THNSL2: variants seen among roughly 807,000 people sequenced by gnomAD.
THNSL2 encodes the protein threonine synthase like 2, also known as threonine synthase-like 2.
THNSL2 carries 34 observed loss-of-function variants against 40.0 expected under a neutral mutation model. The ratio of observed to expected loss-of-function variants is 0.85; its 90% CI spans 0.65 to 1.13. The LOEUF (loss-of-function observed/expected upper bound fraction) is 1.13, where lower values mean the gene tolerates loss of function less well. Ranked by LOEUF, THNSL2 falls within the 50% of genes most tolerant of loss-of-function variation. The pLI, the probability that THNSL2 is intolerant of heterozygous loss-of-function variation, is 0.00. For synonymous variants in THNSL2, 241 were observed against 247.5 expected (o/e 0.97, Z 0.25); for missense variants, 537 against 608.8 (o/e 0.88, Z 1.24).
intron 4 of THNSL2, chr2:88,176,642 G>A (rs1267156689): frequency 2.0e-5 from 3 of 152,246 alleles, no homozygotes; most frequent in Middle Eastern, 3.2e-3. Context: ...AGGAGCAAAA[G>A]CACAGTGAAA....
intron 5 of THNSL2, among the ~76,000 whole-genome samples, chr2:88,181,102 C>CTT (rs1553463333): frequency 2.5e-3 from 3 of 1,190 alleles, no homozygotes; most frequent in South Asian, 0.031. Flanking sequence ...TCTCCTCTCT[C>CTT]CTCTCTCTCC....
intron 5 of THNSL2, 78 bp downstream of exon 5, chr2:88,179,091 G>T: frequency 7.1e-7 from 1 of 1,415,182 alleles, no homozygotes; most frequent in South Asian, 1.2e-5. Context: ...CCCTTTGGCT[G>T]CAACTGTGAG....
At chr2:88,171,102 C>T (rs1402749635) in intron 1 of THNSL2, 1 of 344,944 alleles carries the variant, frequency 2.9e-6, no homozygotes, top group Non-Finnish European at 5.9e-6. Flanking sequence ...CCATCCCATG[C>T]TTGGAGCCCT....
intron 1 of THNSL2, among the ~76,000 whole-genome samples, chr2:88,171,061 T>TA (rs1484603269): frequency 6.6e-6 from 1 of 152,152 alleles, no homozygotes; most frequent in East Asian, 1.9e-4. Context: ...TATTAGAATA[T>TA]AAAATCCCAG....
intron 4 of THNSL2, chr2:88,177,097 A>G (rs1136562): frequency 0.22 from 34,139 of 152,162 alleles, 3,999 homozygotes; most frequent in African/African-American, 0.27. Context: ...AAGTAATGGC[A>G]GAAATGTGGA....
At chr2:88,178,403 A>G (rs189227602) in intron 4 of THNSL2, among the ~76,000 whole-genome samples, 76 of 152,342 alleles carry the variant, frequency 5.0e-4, no homozygotes, top group South Asian at 1.7e-3. Flanking sequence ...TCAGGCACAC[A>G]GTTTCTCCTC....
chr2:88,173,243 G>A lies in THNSL2; in HGVS notation c.93G>A (p.Met31Ile). 1 of 1,612,090 alleles carries A rather than the reference G, an allele frequency of 6.2e-7. No individual in the cohort carries two copies. Among genetic ancestry groups the A allele is most frequent in the East Asian group, 2.2e-5 (1 of 44,878 alleles). Residue 31 changes from methionine to isoleucine, a missense_variant, in exon 2 of 9, where the codon ATG becomes ATA. Transcript: ENST00000674334. ...ATGCACCTGACGGGGGCCTCTTTAT[G>A]CCTGAAGAGCTCCCACAGTTGGACA... ...SGYAPDGGLF[M>I]PEELPQLDRG...
At chr2:88,180,353 G>C (rs1408749942) in intron 5 of THNSL2, among the ~76,000 whole-genome samples, 1 of 152,180 alleles carries the variant, frequency 6.6e-6, no homozygotes, top group Non-Finnish European at 1.5e-5. Flanking sequence ...GAAAGAGAAA[G>C]TTGAGATTAG....
At position 88,173,364 on chromosome 2, in the gene THNSL2, G is replaced by C. The variant is rs199500112; in HGVS notation, c.214G>C (p.Glu72Gln). Residue 72 changes from glutamate to glutamine, a missense_variant, in exon 2 of 9, where the codon GAA becomes CAA. Transcript: ENST00000674334. ...FIGSELLPKD[E>Q]LNDLIDRAFS... ...TGGCTCTGAGCTCCTTCCAAAAGAT[G>C]AATTAAATGGTGAGTGCTCCCACCT... 1.1e-5 allele frequency: 17 copies of C among 1,601,738 alleles called. No individual in the cohort carries two copies. In the East Asian group the frequency reaches 3.8e-4, roughly 36 times the overall value.
In THNSL2 at chr2:88,179,278, CAG is replaced by C. The variant is rs1287260150; in HGVS notation, c.802+268_802+269del. Among the ~76,000 whole-genome samples, 3 of 152,230 alleles carry C rather than the reference CAG, an allele frequency of 2.0e-5. No individual in the cohort carries two copies. In the East Asian group the frequency reaches 5.8e-4, roughly 29 times the overall value. On this transcript the variant is annotated intron_variant, in intron 5 of 8. Coordinates refer to ENST00000674334, the MANE Select transcript of THNSL2 (RefSeq NM_018271.5). ...TGACCTGATGTGCTCGCTGGCTCAG[CAG>C]AGTGTGGAGAGGCAAGGTCAAGGGT...
Position 88,186,174 on chromosome 2 carries a change from T to C in THNSL2, c.*51T>C, listed in dbSNP as rs1460920211. 3.3e-6 allele frequency: 5 copies of C among 1,519,422 alleles called. No individual in the cohort carries two copies. The highest frequency in any genetic ancestry group is 3.6e-6 in the Non-Finnish European group (4 of 1,118,354). The allele number at this position is 1,519,422 out of a possible 1,614,324, so 94.1% of individuals were successfully genotyped here. A position where few individuals can be genotyped will look rare whatever the true frequency, so the allele number is the denominator to read the frequency against. On this transcript the variant is annotated 3_prime_UTR_variant, in exon 9 of 9. Transcript: ENST00000674334. ...GCTTCAGATCCCAGGAAGATGCACCTTCTGAGCTGCCTTGTGCACCCTCCC... is the reference window on the plus strand; with the variant it reads ...GCTTCAGATCCCAGGAAGATGCACCCTCTGAGCTGCCTTGTGCACCCTCCC...
At chr2:88,184,224 A>G (rs527382941) in intron 7 of THNSL2, among the ~76,000 whole-genome samples, 4 of 152,292 alleles carry the variant, frequency 2.6e-5, no homozygotes, top group African/African-American at 9.6e-5. Context: ...GTGTTTTGAC[A>G]TTCACATTCT....
rs1678284904 is a variant in THNSL2, at chr2:88,186,290, T to C, written c.*167T>C. On this transcript the variant is annotated 3_prime_UTR_variant, in exon 9 of 9. Coordinates refer to ENST00000674334, the MANE Select transcript of THNSL2 (RefSeq NM_018271.5). ...CTCCGTTCCCTGGCTAGTCTGTGCC[T>C]GGTCACCAGGGAGGCTGAGTGAGGG... 7.3e-6 allele frequency: 5 copies of C among 687,332 alleles called. No homozygotes were observed. The South Asian group carries it at 9.2e-5, about 13-fold the overall frequency. The allele number at this position is 687,332 out of a possible 1,614,324, so 42.6% of individuals were successfully genotyped here.
intron 7 of THNSL2, among the ~76,000 whole-genome samples, chr2:88,184,690 C>T (rs909255921): frequency 6.6e-6 from 1 of 152,052 alleles, no homozygotes; most frequent in Non-Finnish European, 1.5e-5. Context: ...ATTGCTTGAA[C>T]CTGGGAGGTG....
Position 88,175,348 on chromosome 2 carries a change from T to C in THNSL2, c.518T>C (p.Ile173Thr), listed in dbSNP as rs1276459347. The part of the protein sequence containing the change: ...VLLPKGHCTK[I>T]QELQMTTVLK... ...CTGCCCAAAGGTCACTGCACAAAGATTCAGGAGCTCCAGATGACAACGGTG... is the reference window on the plus strand; with the variant it reads ...CTGCCCAAAGGTCACTGCACAAAGACTCAGGAGCTCCAGATGACAACGGTG... Residue 173 changes from isoleucine to threonine, a missense_variant, in exon 4 of 9, where the codon ATT (isoleucine) becomes ACT (threonine). Physicochemically the swap from Ile to Thr is moderately conservative, Grantham distance 89 (BLOSUM62 -1). Coordinates refer to ENST00000674334, the MANE Select transcript of THNSL2 (RefSeq NM_018271.5). 4.3e-6 allele frequency: 7 copies of C among 1,614,160 alleles called. No homozygotes were observed. The highest frequency in any genetic ancestry group is 1.1e-5 in the South Asian group (1 of 91,084).
intron 1 of THNSL2, chr2:88,171,554 C>G (rs1399633871): frequency 7.0e-6 from 2 of 287,308 alleles, no homozygotes; most frequent in African/African-American, 4.5e-5. Flanking sequence ...TAAGTCTGGT[C>G]CTATGAAGGC....
intron 3 of THNSL2, 65 bp downstream of exon 3, chr2:88,174,898 G>C: frequency 6.4e-7 from 1 of 1,558,020 alleles, no homozygotes; most frequent in South Asian, 1.2e-5. Context: ...CCACCTATAG[G>C]ATGCTGTTCA....
At chr2:88,175,135 C>G (rs1676778100) in intron 3 of THNSL2, 114 bp from the exon 4 acceptor site, 6 of 1,199,322 alleles carry the variant, frequency 5.0e-6, no homozygotes, top group South Asian at 4.7e-5. Flanking sequence ...TCATATCATC[C>G]AAGTATTTGA....
At chr2:88,170,602 G>C (rs966922355) in intron 1 of THNSL2, 146 bp downstream of exon 1, 1 of 152,330 alleles carries the variant, frequency 6.6e-6, no homozygotes, top group African/African-American at 2.4e-5. Context: ...TGGTTCCGGC[G>C]CTCGGACTTG....
Sources: allele counts gnomAD v4.1 joint callset (sites outside exome capture counted in the v4.1 genomes callset), GRCh38; gene constraint gnomAD v4.1.1; transcripts MANE v1.5; gene names NCBI Gene and HGNC (gene_info 2026-07-23, HGNC 2026-07-21).